SEL1L2: variants seen among roughly 807,000 people sequenced by gnomAD.
SEL1L2 encodes the protein SEL1L2 adaptor subunit of SYVN1 ubiquitin ligase, also known as protein sel-1 homolog 2.
Under a neutral mutation model 98.8 loss-of-function variants are expected in SEL1L2, and 89 were observed. The observed-to-expected ratio is 0.90, with a 90% CI of 0.76 to 1.07. The LOEUF (loss-of-function observed/expected upper bound fraction) is 1.07. Ranked by LOEUF, SEL1L2 falls within the 50% of genes least tolerant of loss-of-function variation. SEL1L2 has a pLI of 0.00. For missense variants in SEL1L2, 788 were observed against 812.0 expected (o/e 0.97, Z 0.36); for synonymous variants, 262 against 278.5 (o/e 0.94, Z 0.59).
intron 5 of SEL1L2, among the ~76,000 whole-genome samples, chr20:13,905,873 T>TC (rs2047907350): frequency 7.0e-6 from 1 of 142,282 alleles, no homozygotes; most frequent in Admixed American, 7.0e-5. Flanking sequence ...TTCTTTTCCT[T>TC]TTTTTTTTTT....
chr20:13,887,446 T>C (rs994777560), intron 8 of SEL1L2, among the ~76,000 whole-genome samples: 1 of 152,214 alleles, frequency 6.6e-6, no homozygotes, highest in African/African-American at 2.4e-5. Flanking sequence ...CTGAATGTTA[T>C]ATTTAGGGAA....
chr20:13,891,166 G>T (rs2047188095), intron 5 of SEL1L2, among the ~76,000 whole-genome samples: 1 of 152,080 alleles, frequency 6.6e-6, no homozygotes, highest in Admixed American at 6.6e-5. Flanking sequence ...AATATCAAAG[G>T]ATTCCAAGTG....
intron 2 of SEL1L2, among the ~76,000 whole-genome samples, chr20:13,939,308 G>A (rs927019049): frequency 1.2e-4 from 19 of 152,098 alleles, no homozygotes; most frequent in African/African-American, 3.9e-4. Flanking sequence ...CTCCCAAAAC[G>A]CTGGGATTAC....
chr20:13,874,378 C>T (rs1343500598), intron 12 of SEL1L2, among the ~76,000 whole-genome samples: 2 of 152,210 alleles, frequency 1.3e-5, no homozygotes, highest in African/African-American at 4.8e-5. Context: ...CACCTAATGC[C>T]ATTTAGAATA....
At chr20:13,917,548 A>C (rs902984473) in intron 4 of SEL1L2, among the ~76,000 whole-genome samples, 1 of 152,304 alleles carries the variant, frequency 6.6e-6, no homozygotes, top group Middle Eastern at 3.4e-3. Flanking sequence ...TTAATAAATG[A>C]AAGTTGTTGA....
chr20:13,955,419 G>A (rs917221182), intron 2 of SEL1L2, among the ~76,000 whole-genome samples: 2 of 151,928 alleles, frequency 1.3e-5, no homozygotes, highest in Non-Finnish European at 2.9e-5. Flanking sequence ...GAGAGAACAC[G>A]AAAGGGGGGC....
At chr20:13,976,706 T>A (rs868303733) in intron 1 of SEL1L2, among the ~76,000 whole-genome samples, 9 of 152,140 alleles carry the variant, frequency 5.9e-5, no homozygotes, top group African/African-American at 2.2e-4. Context: ...TTTCTGGCAG[T>A]AATGTATGTG....
chr20:13,878,931 A>G (rs2046562678), intron 10 of SEL1L2, among the ~76,000 whole-genome samples: 1 of 152,226 alleles, frequency 6.6e-6, no homozygotes, highest in African/African-American at 2.4e-5. Flanking sequence ...TTAGAAGGGA[A>G]TAGAATAAAA....
At chr20:13,891,883 A>C (rs745765586) in intron 5 of SEL1L2, among the ~76,000 whole-genome samples, 7 of 152,158 alleles carry the variant, frequency 4.6e-5, no homozygotes, top group Non-Finnish European at 8.8e-5. Flanking sequence ...GCAACACAAA[A>C]GCATATGAAA....
chr20:13,870,411 C>A (rs2046129420), intron 12 of SEL1L2, among the ~76,000 whole-genome samples: 1 of 152,196 alleles, frequency 6.6e-6, no homozygotes, highest in Non-Finnish European at 1.5e-5. Context: ...GAAGTCAAAC[C>A]TTTCCTCCAT....
Position 13,926,643 on chromosome 20 carries a change from C to T in SEL1L2, c.283+4960G>A, listed in dbSNP as rs563999554. Among the ~76,000 whole-genome samples, 8 of 152,336 alleles carry T rather than the reference C, an allele frequency of 5.3e-5. No homozygotes were observed. In the South Asian group the frequency reaches 1.7e-3, roughly 32 times the overall value. ...CCCTTCAGAGACTGACTGCCAAAGGCTGTCTAGAGACTGTACTCCAGCAAT... is the reference window on the plus strand; with the variant it reads ...CCCTTCAGAGACTGACTGCCAAAGGTTGTCTAGAGACTGTACTCCAGCAAT... On this transcript the variant is annotated intron_variant, in intron 3 of 19. Transcript: ENST00000284951.
At chr20:13,866,964 A>T in intron 14 of SEL1L2, 114 bp from the exon 15 acceptor site, 1 of 1,054,532 alleles carries the variant, frequency 9.5e-7, no homozygotes, top group Non-Finnish European at 1.3e-6. Flanking sequence ...GGGAAAAGCC[A>T]ACCAAAAGTC....
intron 1 of SEL1L2, among the ~76,000 whole-genome samples, chr20:13,975,678 C>T (rs1474390435): frequency 6.6e-6 from 1 of 152,116 alleles, no homozygotes; most frequent in Non-Finnish European, 1.5e-5. Flanking sequence ...TACTAAATGC[C>T]AAGTTCTACA....
At chr20:13,871,106 C>G (rs1385015725) in intron 12 of SEL1L2, among the ~76,000 whole-genome samples, 2 of 151,860 alleles carry the variant, frequency 1.3e-5, no homozygotes, top group East Asian at 3.9e-4. Context: ...TATCCAGACA[C>G]TTGTTACCTA....
At chr20:13,994,419 C>T (rs2052594535), upstream of SEL1L2, among the ~76,000 whole-genome samples, 1 of 151,886 alleles carries the variant, frequency 6.6e-6, no homozygotes, top group Non-Finnish European at 1.5e-5. Flanking sequence ...TTGGGGCCTC[C>T]CCCCTTTCTT....
intron 1 of SEL1L2, among the ~76,000 whole-genome samples, chr20:13,958,464 T>C (rs1235353252): frequency 1.3e-5 from 2 of 152,218 alleles, no homozygotes; most frequent in African/African-American, 4.8e-5. Flanking sequence ...TATTACTTGC[T>C]GTTTATTTTA....
intron 10 of SEL1L2, 146 bp downstream of exon 10, chr20:13,885,201 C>T: frequency 1.6e-6 from 1 of 636,394 alleles, no homozygotes; most frequent in Non-Finnish European, 2.9e-6. Flanking sequence ...TCCTAAGAAG[C>T]TGGGAAGCAT....
At chr20:13,911,943 C>T (rs1172902652) in intron 5 of SEL1L2, among the ~76,000 whole-genome samples, 1 of 152,084 alleles carries the variant, frequency 6.6e-6, no homozygotes, top group East Asian at 1.9e-4. Context: ...TTACAGTGTT[C>T]CAGGTATGAA....
At position 13,903,106 on chromosome 20, in the gene SEL1L2, A is replaced by C. The variant is rs966632091; in HGVS notation, c.549+10676T>G. Among the ~76,000 whole-genome samples, 11 of 115,526 alleles carry C rather than the reference A, an allele frequency of 9.5e-5. No individual in the cohort carries two copies. The Admixed American group carries it at 1.2e-3, about 12-fold the overall frequency. 75.8% of individuals were successfully genotyped at this position (115,526 alleles called of 152,430 possible). A position where few individuals can be genotyped will look rare whatever the true frequency, so the allele number is the denominator to read the frequency against. The stretch of plus-strand genomic sequence containing the variant: ...GCACTCCAGCCTGAGCAGCAGAGCA[A>C]GGCTCTTTCTCAAAAAAAAAAAAAA... On this transcript the variant is annotated intron_variant, in intron 5 of 19. Coordinates refer to ENST00000284951, the MANE Select transcript of SEL1L2 (RefSeq NM_025229.2).
Sources: gnomAD v4.1 joint callset for allele counts (sites outside exome capture counted in the v4.1 genomes callset) on GRCh38, gnomAD v4.1.1 for gene constraint, MANE v1.5 for transcripts, NCBI Gene and HGNC (gene_info 2026-07-23, HGNC 2026-07-21) for gene names.